The following GPC3 variants were observed in gnomAD, a reference collection of about 807,000 sequenced individuals.
GPC3 encodes glypican 3, also known as glypican-3.
In GPC3, 3 loss-of-function variants were observed where a neutral mutation model predicts 34.4. The observed-to-expected ratio is 0.09, with a 90% CI of 0.04 to 0.23. The LOEUF is 0.23. GPC3 is among the 10% of genes least tolerant of loss of function. The pLI is 1.00. For missense variants in GPC3, 351 were observed against 445.6 expected (o/e 0.79, Z 1.91); for synonymous variants, 177 against 174.0 (o/e 1.02, Z -0.13).
chrX:133,822,171 A>T (rs2075722770), intron 2 of GPC3, among the ~76,000 whole-genome samples: 1 of 112,076 alleles, frequency 8.9e-6, no homozygotes, highest in Non-Finnish European at 1.9e-5. Context: ...GCTGCATCCC[A>T]CCTGGGATAC....
At chrX:133,558,903 G>GTAAA (rs755481125) in intron 7 of GPC3, among the ~76,000 whole-genome samples, 6,688 of 102,516 alleles carry the variant, frequency 0.065, 264 homozygotes, top group African/African-American at 0.12. Flanking sequence ...AAATAAGTAA[G>GTAAA]TAAATAAATA....
chrX:133,859,581 C>T (rs2124565988), intron 2 of GPC3, among the ~76,000 whole-genome samples: 1 of 111,814 alleles, frequency 8.9e-6, no homozygotes, highest in Non-Finnish European at 1.9e-5. Context: ...ATGACTTACA[C>T]AAACAAGGAC....
At chrX:133,549,139 G>A (rs758184111) in intron 7 of GPC3, among the ~76,000 whole-genome samples, 161 of 110,831 alleles carry the variant, frequency 1.5e-3, no homozygotes, top group African/African-American at 4.9e-3. Flanking sequence ...GCATGTCAGC[G>A]AGTGCCCATT....
At chrX:133,578,774 A>G (rs2069708516) in intron 7 of GPC3, among the ~76,000 whole-genome samples, 2 of 111,185 alleles carry the variant, frequency 1.8e-5, no homozygotes, top group Admixed American at 9.5e-5. Flanking sequence ...CAAGCCTTCA[A>G]TCTTTTGGTG....
intron 6 of GPC3, among the ~76,000 whole-genome samples, chrX:133,628,016 A>G (rs781561902): frequency 1.8e-5 from 2 of 112,600 alleles, no homozygotes; most frequent in South Asian, 7.4e-4. Flanking sequence ...AACAGAGGGA[A>G]AATATGTCTT....
chrX:133,537,164 G>A (rs2069301037), intron 7 of GPC3, among the ~76,000 whole-genome samples: 1 of 112,149 alleles, frequency 8.9e-6, no homozygotes. Context: ...CAAGATGGCT[G>A]ACCCTGGCCA....
At chrX:133,782,419 G>A (rs749154328) in intron 2 of GPC3, among the ~76,000 whole-genome samples, 1 of 111,852 alleles carries the variant, frequency 8.9e-6, no homozygotes, top group African/African-American at 3.2e-5. Flanking sequence ...AAAAGACAAG[G>A]CCAACAGAGC....
At chrX:133,837,700 G>A (rs2075806098) in intron 2 of GPC3, among the ~76,000 whole-genome samples, 1 of 111,525 alleles carries the variant, frequency 9.0e-6, no homozygotes, top group Non-Finnish European at 1.9e-5. Flanking sequence ...GAAGAACCAA[G>A]AAATCTAGTC....
At chrX:133,592,718 G>C (rs370553842) in intron 7 of GPC3, among the ~76,000 whole-genome samples, 23 of 110,736 alleles carry the variant, frequency 2.1e-4, no homozygotes, top group African/African-American at 6.3e-4. Flanking sequence ...TTCATGGAGA[G>C]AAAGTAACAA....
At chrX:133,712,514 T>A (rs1250914060) in intron 3 of GPC3, among the ~76,000 whole-genome samples, 1 of 111,651 alleles carries the variant, frequency 9.0e-6, no homozygotes, top group Non-Finnish European at 1.9e-5. Flanking sequence ...AAAAACGCAC[T>A]GAAACATACT....
rs1054396365 is a variant in GPC3 at position 133,688,477 on chromosome X, C to T, written c.1292+3892G>A. Among the ~76,000 whole-genome samples the T allele has an allele frequency of 3.6e-4, 40 of 111,584 alleles. 1 individual carries two copies. In the Admixed American group the frequency reaches 3.8e-3, roughly 11 times the overall value. ...AAAAGGAAAGGATGGAAAATATGAC[C>T]TTATTCAGAGAGATAAGGAATTAAC... On this transcript the variant is annotated intron_variant, in intron 5 of 7. Coordinates refer to ENST00000370818, the MANE Select transcript of GPC3 (RefSeq NM_004484.4).
intron 5 of GPC3, among the ~76,000 whole-genome samples, chrX:133,670,450 A>G (rs1342336160): frequency 8.9e-6 from 1 of 112,233 alleles, no homozygotes; most frequent in Non-Finnish European, 1.9e-5. Flanking sequence ...TCTTCCCTTA[A>G]GTATCAGAAT....
chrX:133,943,237 C>T (rs996397455), intron 2 of GPC3, among the ~76,000 whole-genome samples: 1 of 111,766 alleles, frequency 8.9e-6, no homozygotes, highest in African/African-American at 3.2e-5. Context: ...TAATTATTAC[C>T]CTCATTTTGT....
At chrX:133,772,804 T>G (rs2071937312) in intron 2 of GPC3, among the ~76,000 whole-genome samples, 1 of 111,520 alleles carries the variant, frequency 9.0e-6, no homozygotes, top group Non-Finnish European at 1.9e-5. Flanking sequence ...ATTATTTAAT[T>G]ATTATGATTA....
At chrX:133,654,061 T>C (rs1379516616) in intron 6 of GPC3, among the ~76,000 whole-genome samples, 1 of 111,633 alleles carries the variant, frequency 9.0e-6, no homozygotes, top group Non-Finnish European at 1.9e-5. Flanking sequence ...GCACAGACAC[T>C]GGTTAATATT....
intron 2 of GPC3, among the ~76,000 whole-genome samples, chrX:133,864,848 C>T (rs143795440): frequency 2.9e-3 from 324 of 112,624 alleles, no homozygotes; most frequent in Non-Finnish European, 4.4e-3. Context: ...AAGTGTTCAT[C>T]CTGGATCTTC....
At chrX:133,797,197 T>C (rs1486889247) in intron 2 of GPC3, among the ~76,000 whole-genome samples, 2 of 110,395 alleles carry the variant, frequency 1.8e-5, no homozygotes, top group Admixed American at 1.9e-4. Flanking sequence ...TTAACCACAG[T>C]CCGGTGGTCT....
intron 7 of GPC3, among the ~76,000 whole-genome samples, chrX:133,542,127 G>A (rs2069346949): frequency 8.9e-6 from 1 of 112,098 alleles, no homozygotes; most frequent in Non-Finnish European, 1.9e-5. Context: ...CCCTTGGGAT[G>A]TTTCTCTGGT....
intron 2 of GPC3, among the ~76,000 whole-genome samples, chrX:133,876,792 T>C (rs1354343398): frequency 1.8e-5 from 2 of 112,126 alleles, no homozygotes; most frequent in Non-Finnish European, 3.8e-5. Flanking sequence ...TTGATTATGT[T>C]TCATTGGAGG....
Sources: gnomAD v4.1 joint callset for allele counts (sites outside exome capture counted in the v4.1 genomes callset) on GRCh38, gnomAD v4.1.1 for gene constraint, MANE v1.5 for transcripts, NCBI Gene and HGNC (gene_info 2026-07-23, HGNC 2026-07-21) for gene names.